Variants in EFTUD2 observed in about 807,000 individuals in gnomAD.
EFTUD2 encodes the protein 116 kDa U5 small nuclear ribonucleoprotein component.
Under a neutral mutation model 114.3 loss-of-function variants are expected in EFTUD2, and 9 were observed. That is an observed-to-expected ratio of 0.08 (90% confidence interval 0.05 to 0.14). The LOEUF is 0.14. Ranked by LOEUF, EFTUD2 falls within the 10% of genes least tolerant of loss-of-function variation. The pLI, the probability that EFTUD2 is intolerant of heterozygous loss-of-function variation, is 1.00. For missense variants in EFTUD2, 765 were observed against 1,241.2 expected (o/e 0.62, Z 5.76); for synonymous variants, 449 against 462.3 (o/e 0.97, Z 0.37).
chr17:44,885,590 T>C (rs555645270), intron 3 of EFTUD2, among the ~76,000 whole-genome samples: 2 of 152,186 alleles, frequency 1.3e-5, no homozygotes, highest in South Asian at 2.1e-4. Context: ...GGAATGGATG[T>C]AGGTTGAGGT....
chr17:44,854,486 G>C lies in EFTUD2; in HGVS notation c.2259+70C>G, dbSNP rs2050511449. ...AGGACACAAGATACTTTTGGGAAAAGAACACTTTGTAGTTTCTTCCACTCC... is the reference window on the plus strand; with the variant it reads ...AGGACACAAGATACTTTTGGGAAAACAACACTTTGTAGTTTCTTCCACTCC... On this transcript the variant is annotated intron_variant, in intron 22 of 27. Transcript: ENST00000426333. This position sits in a 1 kb window ranked among gnomAD's most constrained non-coding sequence, Gnocchi z 4.3. 3.8e-6 allele frequency: 6 copies of C among 1,583,414 alleles called. No individual in the cohort carries two copies.
At position 44,857,104 on chromosome 17, in the gene EFTUD2, G is replaced by A. The variant is rs745906919; in HGVS notation, c.2016C>T (p.Leu672=). The change falls in exon 20 of 28, where the codon CTC becomes CTT. Residue 672 remains leucine (L), a synonymous_variant. Coordinates refer to ENST00000426333, the MANE Select transcript of EFTUD2 (RefSeq NM_004247.4). ...FCETVVETSS[L]KCFAETPNKK... is the part of the protein sequence containing the mutation. ...TATTAGGCGTTTCAGCAAAGCACTT[G>A]AGGGAGGATGTTTCCACCACCGTCT... The A allele has an allele frequency of 6.2e-7, 1 of 1,614,040 alleles. No individual in the cohort carries two copies. The highest frequency in any genetic ancestry group is 8.5e-7 in the Non-Finnish European group (1 of 1,179,918).
chr17:44,892,650 T>G (rs2051301121), intron 2 of EFTUD2, among the ~76,000 whole-genome samples: 1 of 145,278 alleles, frequency 6.9e-6, no homozygotes, highest in Admixed American at 6.8e-5. Context: ...TTTTTTTTTT[T>G]TTTTTGAGAT....
intron 16 of EFTUD2, 111 bp from the exon 17 acceptor site, chr17:44,860,654 A>G (rs2050639647): frequency 4.4e-6 from 3 of 681,650 alleles, no homozygotes; most frequent in Admixed American, 5.3e-5. Flanking sequence ...GCTGGAGTGC[A>G]GTGGCACAAT....
At chr17:44,881,763 T>C (rs745458084) in intron 6 of EFTUD2, 41 bp from the exon 7 acceptor site, 1 of 1,600,136 alleles carries the variant, frequency 6.2e-7, no homozygotes, top group Non-Finnish European at 8.6e-7. Context: ...GAGTTGAGAC[T>C]GCTCTCCCAC....
chr17:44,890,284 T>C (rs1341232829), intron 2 of EFTUD2, among the ~76,000 whole-genome samples: 1 of 151,698 alleles, frequency 6.6e-6, no homozygotes, highest in Admixed American at 6.6e-5. Context: ...CCTCCCAAAG[T>C]GCTGGGATTA....
chr17:44,877,281 CT>C (rs1002015762), intron 9 of EFTUD2, among the ~76,000 whole-genome samples: 4 of 151,916 alleles, frequency 2.6e-5, no homozygotes, highest in African/African-American at 9.7e-5. Flanking sequence ...TCTAGAACAT[CT>C]TTTTGTGCTT....
chr17:44,853,322 T>C lies in EFTUD2; in HGVS notation c.2535A>G (p.Ala845=). The C allele has an allele frequency of 1.2e-6, 2 of 1,613,996 alleles. No homozygotes were observed. The highest frequency in any genetic ancestry group is 2.2e-5 in the East Asian group (1 of 44,860). Residue 845 remains alanine (A), a synonymous_variant, in exon 25 of 28, where the codon GCA becomes GCG. Coordinates refer to ENST00000426333, the MANE Select transcript of EFTUD2 (RefSeq NM_004247.4). ...TGCGCCTGGCCAGGACGGTATAAAC[T>C]GCAGAGACGCAATCTGCAGGGGCCT... ...EVQAPADCVS[A]VYTVLARRRG... is the part of the protein sequence containing the mutation.
intron 12 of EFTUD2, 98 bp downstream of exon 12, chr17:44,868,189 A>G (rs1567739434): frequency 2.7e-6 from 3 of 1,111,814 alleles, no homozygotes; most frequent in African/African-American, 3.2e-5. Flanking sequence ...AAAAAAAAAA[A>G]GTAGGTATTT....
intron 9 of EFTUD2, 59 bp from the exon 10 acceptor site, chr17:44,876,159 G>C (rs1397192740): frequency 6.4e-7 from 1 of 1,551,734 alleles, no homozygotes; most frequent in African/African-American, 1.4e-5. Flanking sequence ...AAAGTTCAAA[G>C]CAGAACCAAA....
intron 1 of EFTUD2, among the ~76,000 whole-genome samples, chr17:44,896,389 T>C (rs557896166): frequency 6.6e-6 from 1 of 152,358 alleles, no homozygotes; most frequent in East Asian, 1.9e-4. Context: ...GGCTCATGCC[T>C]GTAATCCCAG....
intron 16 of EFTUD2, among the ~76,000 whole-genome samples, chr17:44,862,297 T>C (rs2145468390): frequency 6.6e-6 from 1 of 152,086 alleles, no homozygotes; most frequent in South Asian, 2.1e-4. Context: ...TAGCCAGACA[T>C]AGTGGTGTGT....
intron 26 of EFTUD2, 132 bp from the exon 27 acceptor site, chr17:44,851,949 C>T: frequency 1.2e-6 from 1 of 824,218 alleles, no homozygotes; most frequent in East Asian, 3.1e-5. Flanking sequence ...TGGAGTTTCG[C>T]TCTTGTCTCC....
chr17:44,883,101 C>A lies in EFTUD2; in HGVS notation c.484G>T (p.Asp162Tyr), dbSNP rs1172436441. ...ACAGAAGTTCTACTTACATCTTGGT[C>A]ATAGCGCTTTCTGATTTCCGGGTGA... ...QTHPEIRKRY[D>Y]QDLCYTDILF... is the part of the protein sequence containing the mutation. The change falls in exon 6 of 28, where the codon GAC becomes TAC. Residue 162 changes from aspartate to tyrosine, a missense_variant. Physicochemically the swap from Asp to Tyr is radical, Grantham distance 160. Transcript: ENST00000426333. The A allele has an allele frequency of 6.2e-7, 1 of 1,614,008 alleles. No individual in the cohort carries two copies. The highest frequency in any genetic ancestry group is 1.7e-5 in the Admixed American group (1 of 59,992).
intron 20 of EFTUD2, among the ~76,000 whole-genome samples, chr17:44,856,306 A>G (rs1189521667): frequency 1.3e-5 from 2 of 151,078 alleles, no homozygotes; most frequent in Non-Finnish European, 3.0e-5. Flanking sequence ...AGGCGGGCGG[A>G]CTGCCTGAGG....
At chr17:44,855,656 T>C (rs930778451) in intron 20 of EFTUD2, among the ~76,000 whole-genome samples, 2 of 151,470 alleles carry the variant, frequency 1.3e-5, no homozygotes, top group South Asian at 4.2e-4. Context: ...CCCATCTCTA[T>C]AAAAAATTAG....
chr17:44,873,981 G>A (rs1424767780), intron 10 of EFTUD2, among the ~76,000 whole-genome samples: 2 of 145,938 alleles, frequency 1.4e-5, no homozygotes, highest in East Asian at 4.1e-4. Context: ...TGATCCGCCC[G>A]CCTCGGCCTC....
At chr17:44,883,197 A>G (rs1175697969) in intron 5 of EFTUD2, 39 bp from the exon 6 acceptor site, 4 of 1,604,526 alleles carry the variant, frequency 2.5e-6, no homozygotes, top group Non-Finnish European at 3.4e-6. Flanking sequence ...CCGACCACAG[A>G]GGAAAATTTA....
chr17:44,869,364 C>T (rs1311034899), intron 11 of EFTUD2, among the ~76,000 whole-genome samples: 1 of 152,136 alleles, frequency 6.6e-6, no homozygotes, highest in Non-Finnish European at 1.5e-5. Flanking sequence ...AGTGGCATAA[C>T]CTTGGCTCCC....
Sources: gnomAD v4.1 joint callset for allele counts (sites outside exome capture counted in the v4.1 genomes callset) on GRCh38, gnomAD v4.1.1 for gene constraint, Gnocchi (gnomAD v3.1) non-coding constraint, MANE v1.5 for transcripts, NCBI Gene and HGNC (gene_info 2026-07-23, HGNC 2026-07-21) for gene names.